ANGEL1: variants seen among roughly 807,000 people sequenced by gnomAD.
ANGEL1 encodes RNA 2',3'-cyclic phosphatase ANGEL1.
A neutral mutation model predicts 76.4 loss-of-function variants in ANGEL1; 62 were observed. That is an observed-to-expected ratio of 0.81 (90% CI 0.66 to 1.00). The LOEUF is 1.00. Among genes scored for constraint, ANGEL1 ranks in the 50% least tolerant of loss-of-function variants. ANGEL1 has a pLI of 0.00. For missense variants in ANGEL1, 737 were observed against 836.7 expected, an observed-to-expected ratio of 0.88 and a Z score of 1.47; for synonymous variants, 340 against 331.7, an observed-to-expected ratio of 1.03 and a Z score of -0.27.
At chr14:76,803,184 C>T (rs1268394332) in intron 7 of ANGEL1, among the ~76,000 whole-genome samples, 187 bp downstream of exon 7, 3 of 152,220 alleles carry the variant, frequency 2.0e-5, no homozygotes, top group African/African-American at 7.2e-5. Flanking sequence ...CCTGGTCCGG[C>T]ACTCTTATCA....
At chr14:76,796,870 C>T (rs549785866) in intron 7 of ANGEL1, among the ~76,000 whole-genome samples, 24 of 152,242 alleles carry the variant, frequency 1.6e-4, no homozygotes, top group African/African-American at 5.5e-4. Context: ...TTATTTGGAG[C>T]ATAAACATTT....
intron 1 of ANGEL1, among the ~76,000 whole-genome samples, chr14:76,810,888 C>A (rs1315460213): frequency 6.6e-6 from 1 of 152,218 alleles, no homozygotes; most frequent in Non-Finnish European, 1.5e-5. Context: ...TTATTTACAG[C>A]ACAGGACGAG....
In ANGEL1 at chr14:76,807,995, C is replaced by A; in HGVS notation, c.803G>T (p.Cys268Phe). 1 of 1,614,184 alleles carries A rather than the reference C, an allele frequency of 6.2e-7. No individual in the cohort carries two copies. ...MQQSSELYLHCHPDILNWNYR... is the reference protein window; with the variant it reads ...MQQSSELYLHFHPDILNWNYR... Reference sequence around the variant, plus strand: ...GTTCCAATTGAGGATGTCTGGATGGCAATGTAGATAGAGCTCTGAGCTCTG... The same window carrying A: ...GTTCCAATTGAGGATGTCTGGATGGAAATGTAGATAGAGCTCTGAGCTCTG... Residue 268 changes from cysteine to phenylalanine, a missense_variant, in exon 3 of 10, where the codon TGC becomes TTC. Around this residue, in one of 2 missense-constraint regions of ANGEL1, gnomAD observed 441 missense variants for 449.5 expected, o/e 0.98. Coordinates refer to ENST00000251089, the MANE Select transcript of ANGEL1 (RefSeq NM_015305.4).
Position 76,786,476 on chromosome 14 carries a change from T to A in ANGEL1, c.*2752A>T, listed in dbSNP as rs1282445028. 3 of 152,266 alleles carry A rather than the reference T, an allele frequency of 2.0e-5. No individual in the cohort carries two copies. The highest frequency in any genetic ancestry group is 4.4e-5 in the Non-Finnish European group (3 of 68,094). The allele number at this position is 152,266 out of a possible 1,614,324, so 9.4% of individuals were successfully genotyped here. ...CGCACCCGGCCGCTAAGTTTTCTTT[T>A]TACTAAATCAATTGAGGGGATCGCA... On this transcript the variant is annotated 3_prime_UTR_variant, in exon 10 of 10. Transcript: ENST00000251089.
Position 76,803,453 on chromosome 14 carries a change from C to T in ANGEL1, c.1536G>A (p.Leu512=), listed in dbSNP as rs1355146080. The change falls in exon 7 of 10, where the codon CTG becomes CTA. Residue 512 remains leucine (L), a synonymous_variant. Coordinates refer to ENST00000251089, the MANE Select transcript of ANGEL1 (RefSeq NM_015305.4). ...CGATGCTGCAGAAGCGGAAACGTAG[C>T]AGGAAGTCTCGGCCATACTTGCGTC... The part of the protein sequence containing the change: ...SERRKYGRDF[L]LRFRFCSIAC... 5.0e-6 allele frequency: 8 copies of T among 1,614,088 alleles called. No homozygotes were observed. Among genetic ancestry groups the T allele is most frequent in the Non-Finnish European group, 6.8e-6 (8 of 1,180,046 alleles).
chr14:76,806,470 G>C lies in ANGEL1; in HGVS notation c.1326C>G (p.Leu442=), dbSNP rs1894920736. Reference sequence around the variant, plus strand: ...GCTCTCCATCCCTGATGAAGTTGTAGAGAGGTGAATCAGGGACAGAATTTA... The same window carrying C: ...GCTCTCCATCCCTGATGAAGTTGTACAGAGGTGAATCAGGGACAGAATTTA... The part of the protein sequence containing the change: ...GDLNSVPDSP[L]YNFIRDGELQ... The change falls in exon 5 of 10, where the codon CTC becomes CTG. Residue 442 remains leucine, a synonymous_variant. Coordinates refer to ENST00000251089, the MANE Select transcript of ANGEL1 (RefSeq NM_015305.4). 3 of 1,614,168 alleles carry C rather than the reference G, an allele frequency of 1.9e-6. No homozygotes were observed. Among genetic ancestry groups the C allele is most frequent in the Non-Finnish European group, 2.5e-6 (3 of 1,180,032 alleles).
Position 76,806,737 on chromosome 14 carries a change from C to T in ANGEL1, c.1059G>A (p.Arg353=). The T allele has an allele frequency of 2.5e-6, 4 of 1,614,122 alleles. No individual in the cohort carries two copies. Among genetic ancestry groups the T allele is most frequent in the Non-Finnish European group, 3.4e-6 (4 of 1,180,038 alleles). The change falls in exon 5 of 10, where the codon CGG becomes CGA. Residue 353 remains arginine, a synonymous_variant. Transcript: ENST00000251089. ...LLCASPVEYF[R]PGLELLNRDN... is the part of the protein sequence containing the mutation. ...CCCGATTAAGTAGCTCCAAGCCAGGCCGGAAGTACTCCACAGGGCTAGCAC... is the reference window on the plus strand; with the variant it reads ...CCCGATTAAGTAGCTCCAAGCCAGGTCGGAAGTACTCCACAGGGCTAGCAC...
rs201483713 is a variant in ANGEL1 at position 76,806,623 on chromosome 14, G to C, written c.1173C>G (p.Thr391=). 3.0e-4 allele frequency: 492 copies of C among 1,614,018 alleles called. No individual in the cohort carries two copies. Among genetic ancestry groups the C allele is most frequent in the Non-Finnish European group, 3.8e-4 (450 of 1,180,048 alleles). ...VSVAPLCVAN[T]HILYNPRRGD... ...CCCGGCGTGGGTTGTAAAGGATATG[G>C]GTATTTGCCACACACAGCGGGGCCA... Residue 391 remains threonine (T), a synonymous_variant, in exon 5 of 10, where the codon ACC becomes ACG. Coordinates refer to ENST00000251089, the MANE Select transcript of ANGEL1 (RefSeq NM_015305.4).
In ANGEL1 at chr14:76,812,831, C is replaced by T. The variant is rs1242943116; in HGVS notation, c.-4G>A. On this transcript the variant is annotated 5_prime_UTR_variant, in exon 1 of 10. Transcript: ENST00000251089. ...AACACAAGCACGACGCGATCATGGCCGGCCGCCCGCGCCCGCCTCCGCTCC... is the reference window on the plus strand; with the variant it reads ...AACACAAGCACGACGCGATCATGGCTGGCCGCCCGCGCCCGCCTCCGCTCC... 6.6e-7 allele frequency: 1 copy of T among 1,509,492 alleles called. No individual in the cohort carries two copies. Among genetic ancestry groups the T allele is most frequent in the Non-Finnish European group, 8.8e-7 (1 of 1,133,150 alleles). 93.5% of individuals were successfully genotyped at this position (1,509,492 alleles called of 1,614,324 possible).
intron 2 of ANGEL1, 28 bp from the exon 3 acceptor site, chr14:76,808,176 T>G (rs1194622793): frequency 1.1e-5 from 17 of 1,593,778 alleles, no homozygotes; most frequent in Non-Finnish European, 1.5e-5. Context: ...AAGCACTCAA[T>G]GGCAAGTATG....
chr14:76,788,427 G>A lies in ANGEL1; in HGVS notation c.*801C>T, dbSNP rs1385180428. 6.6e-6 allele frequency: 1 copy of A among 152,366 alleles called. No homozygotes were observed. Among genetic ancestry groups the A allele is most frequent in the Non-Finnish European group, 1.5e-5 (1 of 68,128 alleles). The allele number at this position is 152,366 out of a possible 1,614,324, so 9.4% of individuals were successfully genotyped here. A position where few individuals can be genotyped will look rare whatever the true frequency, so the allele number is the denominator to read the frequency against. On this transcript the variant is annotated 3_prime_UTR_variant, in exon 10 of 10. Coordinates refer to ENST00000251089, the MANE Select transcript of ANGEL1 (RefSeq NM_015305.4). The stretch of plus-strand genomic sequence containing the variant: ...TCCGCCTCCCTCAGGGAAGCCTGGG[G>A]AAAGGGATGGCCCTTGTGAAATTAC...
chr14:76,810,106 G>A (rs1032895999), intron 1 of ANGEL1: 2 of 444,836 alleles, frequency 4.5e-6, no homozygotes, highest in Non-Finnish European at 9.0e-6. Context: ...AATGCCCCTA[G>A]TCAGATGAAG....
At chr14:76,808,236 C>T in intron 2 of ANGEL1, 88 bp from the exon 3 acceptor site, 1 of 1,119,406 alleles carries the variant, frequency 8.9e-7, no homozygotes, top group Non-Finnish European at 1.3e-6. Flanking sequence ...TAATATTATG[C>T]CTGAAGTTCC....
intron 7 of ANGEL1, among the ~76,000 whole-genome samples, chr14:76,793,663 A>G (rs1894488974): frequency 6.6e-6 from 1 of 151,268 alleles, no homozygotes; most frequent in Non-Finnish European, 1.5e-5. Context: ...AAAAACAACA[A>G]AGTCAGAGGA....
chr14:76,806,915 C>T, intron 4 of ANGEL1, 66 bp from the exon 5 acceptor site: 2 of 1,512,316 alleles, frequency 1.3e-6, no homozygotes, highest in Admixed American at 1.8e-5. Flanking sequence ...TTCCAACCAG[C>T]ACCAGCAGTC....
In ANGEL1 at chr14:76,790,842, A is replaced by G. The variant is rs182472070; in HGVS notation, c.1689-68T>C. ...AAATTTTCCCTAGATCACTTTTTCT[A>G]TGGGTTTTATGAAGATTTTTTAAAA... is the stretch of plus-strand genomic sequence containing the variant. On this transcript the variant is annotated intron_variant, in intron 8 of 9. Transcript: ENST00000251089. 5.3e-5 allele frequency: 77 copies of G among 1,464,232 alleles called. No homozygotes were observed. In the African/African-American group the frequency reaches 1.0e-3, roughly 19 times the overall value. 90.7% of individuals were successfully genotyped at this position (1,464,232 alleles called of 1,614,324 possible). A position where few individuals can be genotyped will look rare whatever the true frequency, so the allele number is the denominator to read the frequency against.
At position 76,790,788 on chromosome 14, in the gene ANGEL1, G is replaced by A; in HGVS notation, c.1689-14C>T. The A allele has an allele frequency of 1.3e-6, 2 of 1,567,274 alleles. No individual in the cohort carries two copies. The highest frequency in any genetic ancestry group is 2.0e-5 in the Admixed American group (1 of 50,812). On this transcript the variant is annotated splice_polypyrimidine_tract_variant and intron_variant, in intron 8 of 9. Transcript: ENST00000251089. ...GTACCTACAGTCCTACAGGGATGAA[G>A]GGGGAAACATTAGTTAACAAAAATT...
intron 1 of ANGEL1, among the ~76,000 whole-genome samples, chr14:76,811,551 C>T (rs1566703037): frequency 6.7e-6 from 1 of 148,544 alleles, no homozygotes; most frequent in Admixed American, 6.7e-5. Flanking sequence ...TCTGAGATCC[C>T]TAGAACTCTA....
At chr14:76,790,576 T>G in intron 9 of ANGEL1, 35 bp downstream of exon 9, 2 of 1,580,082 alleles carry the variant, frequency 1.3e-6, no homozygotes, top group East Asian at 4.5e-5. Flanking sequence ...CCCAGGGACC[T>G]GGGGGTGGAG....
Sources: allele counts gnomAD v4.1 joint callset (sites outside exome capture counted in the v4.1 genomes callset), GRCh38; gene constraint gnomAD v4.1.1; regional missense constraint gnomAD v4.1.1; transcripts MANE v1.5; gene names NCBI Gene and HGNC (gene_info 2026-07-23, HGNC 2026-07-21).